Variants in TUT4 observed in about 807,000 individuals in gnomAD.
TUT4 encodes terminal uridylyl transferase 4.
Under a neutral mutation model 192.2 loss-of-function variants are expected in TUT4, and 36 were observed. That is an observed-to-expected ratio of 0.19 (90% CI 0.14 to 0.25). The LOEUF is 0.25. Ranked by LOEUF, TUT4 falls within the 10% of genes least tolerant of loss-of-function variation. The probability of loss-of-function intolerance (pLI) is 1.00; values close to 1 mark genes in which losing one functional copy is unlikely to be tolerated. For missense variants in TUT4, 1,493 were observed against 1,957.2 expected, an observed-to-expected ratio of 0.76 and a Z score of 4.47; for synonymous variants, 618 against 666.0, an observed-to-expected ratio of 0.93 and a Z score of 1.11.
chr1:52,461,251 A>G lies in TUT4; in HGVS notation c.3232-28T>C, dbSNP rs754625588. The G allele has an allele frequency of 2.6e-6, 4 of 1,566,736 alleles. No individual in the cohort carries two copies. The East Asian group carries it at 9.0e-5, about 35-fold the overall frequency. ...GAAAAATAATTACATATTTGAAAGG[A>G]TTTCAAATTTCGTAAAATTAAACTA... On this transcript the variant is annotated intron_variant, in intron 18 of 29. Coordinates refer to ENST00000257177, the MANE Select transcript of TUT4 (RefSeq NM_001009881.3).
At chr1:52,429,064 T>G (rs892270756) in intron 28 of TUT4, among the ~76,000 whole-genome samples, 6 of 151,646 alleles carry the variant, frequency 4.0e-5, no homozygotes, top group Admixed American at 6.6e-5. Flanking sequence ...TGTGTATGTT[T>G]CAAAATTTCC....
chr1:52,493,393 T>A (rs1283022828), intron 7 of TUT4, among the ~76,000 whole-genome samples: 1 of 152,054 alleles, frequency 6.6e-6, no homozygotes, highest in African/African-American at 2.4e-5. Flanking sequence ...TACATATCAA[T>A]TTTAATATGG....
intron 2 of TUT4, among the ~76,000 whole-genome samples, chr1:52,524,196 C>T (rs1681068713): frequency 6.6e-6 from 1 of 152,168 alleles, no homozygotes; most frequent in Non-Finnish European, 1.5e-5. Context: ...GCATTATACT[C>T]AAAAGGATTT....
intron 2 of TUT4, among the ~76,000 whole-genome samples, chr1:52,524,610 A>G (rs1681207763): frequency 6.6e-6 from 1 of 152,092 alleles, no homozygotes. Flanking sequence ...GTTCAAGAAC[A>G]GCCTGGCCAA....
At chr1:52,433,972 C>T (rs1222071448) in intron 27 of TUT4, 1 of 152,092 alleles carries the variant, frequency 6.6e-6, no homozygotes, top group Non-Finnish European at 1.5e-5. Flanking sequence ...GCTAAAATAA[C>T]AATGTTAAAA....
rs887251668 is a variant in TUT4, at chr1:52,474,970, C to G, written c.2589G>C (p.Gln863His). The G allele has an allele frequency of 1.9e-6, 3 of 1,614,092 alleles. No homozygotes were observed. Among genetic ancestry groups the G allele is most frequent in the Non-Finnish European group, 1.7e-6 (2 of 1,180,044 alleles). The change falls in exon 13 of 30, where the codon CAG (glutamine) becomes CAC (histidine). Residue 863 changes from glutamine (Q) to histidine (H), a missense_variant. By Grantham distance (24) the Gln-to-His change is conservative. This residue lies in a region of TUT4 where 245 missense variants were observed against 218.4 expected (regional missense o/e 1.12). Coordinates refer to ENST00000257177, the MANE Select transcript of TUT4 (RefSeq NM_001009881.3). ...RSNLETESSH[Q>H]SVCTDTSATS... ...TAGCAGATGTGTCGGTGCACACACT[C>G]TGATGTGAACTCTCTGTTTCTAAAT...
rs835035 is a variant in TUT4 at position 52,511,224 on chromosome 1, A to T, written c.883-1512T>A. The stretch of plus-strand genomic sequence containing the variant: ...TAAATCTCAGGGATTAATTTGCCCA[A>T]GGCAACAAGTAAATAAGAAAAGTTG... On this transcript the variant is annotated intron_variant, in intron 3 of 29. Transcript: ENST00000257177. 3.6e-3 allele frequency among the ~76,000 whole-genome samples: 550 copies of T among 152,334 alleles called. 3 individuals are homozygous for T. Among genetic ancestry groups the T allele is most frequent in the African/African-American group, 0.013 (532 of 41,576 alleles).
At chr1:52,484,473 A>T (rs1157151458) in intron 9 of TUT4, among the ~76,000 whole-genome samples, 4 of 152,176 alleles carry the variant, frequency 2.6e-5, no homozygotes, top group Non-Finnish European at 5.9e-5. Context: ...ACCACTGGAT[A>T]CTGAGGACAA....
chr1:52,552,370 G>A (rs1031843385), intron 1 of TUT4, among the ~76,000 whole-genome samples: 1 of 152,158 alleles, frequency 6.6e-6, no homozygotes, highest in Non-Finnish European at 1.5e-5. Context: ...TGGGGGGCGG[G>A]GGAGAGAGAA....
At chr1:52,510,772 T>C (rs1676929952) in intron 3 of TUT4, among the ~76,000 whole-genome samples, 1 of 152,222 alleles carries the variant, frequency 6.6e-6, no homozygotes, top group African/African-American at 2.4e-5. Flanking sequence ...TTTCATCTTA[T>C]AGATGTGAAA....
chr1:52,518,803 G>A (rs543332833), intron 2 of TUT4, among the ~76,000 whole-genome samples: 2 of 152,302 alleles, frequency 1.3e-5, no homozygotes, highest in South Asian at 4.1e-4. Context: ...GCCAGAGGCT[G>A]GGGAAAGTGG....
intron 16 of TUT4, chr1:52,463,841 G>T: frequency 7.9e-7 from 1 of 1,270,094 alleles, no homozygotes; most frequent in Non-Finnish European, 1.0e-6. Context: ...CTTGGGGAAG[G>T]TCTGCTCCTG....
intron 1 of TUT4, among the ~76,000 whole-genome samples, chr1:52,547,562 A>G (rs1688398586): frequency 6.6e-6 from 1 of 152,232 alleles, no homozygotes; most frequent in Non-Finnish European, 1.5e-5. Flanking sequence ...CATCCACACA[A>G]AAACGTTTAA....
rs980571371 is a variant in TUT4 at position 52,442,186 on chromosome 1, C to G, written c.3822+3601G>C. ...CCACCTCAAAAAAAAAAAAAAAAGC[C>G]AAAGTGTATGCTAGAGAGCAGACAA... On this transcript the variant is annotated intron_variant, in intron 24 of 29. Coordinates refer to ENST00000257177, the MANE Select transcript of TUT4 (RefSeq NM_001009881.3). 3.6e-4 allele frequency among the ~76,000 whole-genome samples: 39 copies of G among 107,964 alleles called. 1 individual carries two copies. The highest frequency in any genetic ancestry group is 2.9e-3 in the Admixed American group (36 of 12,520). 70.8% of individuals were successfully genotyped at this position (107,964 alleles called of 152,430 possible).
At chr1:52,481,375 C>T (rs1409104888) in intron 11 of TUT4, 48 bp downstream of exon 11, 3 of 1,579,256 alleles carry the variant, frequency 1.9e-6, no homozygotes, top group Non-Finnish European at 2.6e-6. Flanking sequence ...AAGAATATCA[C>T]AAATTCTACA....
At chr1:52,473,953 T>A (rs1453807831) in intron 13 of TUT4, among the ~76,000 whole-genome samples, 1 of 152,188 alleles carries the variant, frequency 6.6e-6, no homozygotes, top group Non-Finnish European at 1.5e-5. Context: ...ACATCTATAA[T>A]CCCAGCACTT....
At chr1:52,466,655 A>AT (rs1331971012) in intron 15 of TUT4, among the ~76,000 whole-genome samples, 2 of 133,624 alleles carry the variant, frequency 1.5e-5, no homozygotes, top group African/African-American at 3.4e-5. Flanking sequence ...CAAAAAAAAA[A>AT]AAAAATATAT....
At chr1:52,492,339 T>C (rs567221255) in intron 7 of TUT4, among the ~76,000 whole-genome samples, 1 of 152,194 alleles carries the variant, frequency 6.6e-6, no homozygotes, top group South Asian at 2.1e-4. Context: ...TGAGAGAGTA[T>C]GGCTTTAAAA....
At chr1:52,481,723 G>A in intron 10 of TUT4, 81 bp downstream of exon 10, 2 of 1,541,504 alleles carry the variant, frequency 1.3e-6, no homozygotes, top group Non-Finnish European at 1.7e-6. Flanking sequence ...CAGAATTCCA[G>A]CTTAAAATGT....
Sources: allele counts gnomAD v4.1 joint callset (sites outside exome capture counted in the v4.1 genomes callset), GRCh38; gene constraint gnomAD v4.1.1; regional missense constraint gnomAD v4.1.1; transcripts MANE v1.5; gene names NCBI Gene and HGNC (gene_info 2026-07-23, HGNC 2026-07-21).